SPOP: variants seen among roughly 807,000 people sequenced by gnomAD.
The protein encoded by SPOP is speckle-type POZ protein.
Under a neutral mutation model 45.6 loss-of-function variants are expected in SPOP, and 11 were observed. That is an observed-to-expected ratio of 0.24 (90% CI 0.15 to 0.40). The LOEUF (loss-of-function observed/expected upper bound fraction) is 0.40, where lower values mean the gene tolerates loss of function less well. Among genes scored for constraint, SPOP ranks in the 10% least tolerant of loss-of-function variants. SPOP has a pLI of 1.00. For synonymous variants in SPOP, 166 were observed against 166.3 expected, an observed-to-expected ratio of 1.00 and a Z score of 0.01; for missense variants, 152 against 465.6, an observed-to-expected ratio of 0.33 and a Z score of 6.20.
At chr17:49,637,155 C>T (rs1441495532) in intron 1 of SPOP, among the ~76,000 whole-genome samples, 1 of 151,912 alleles carries the variant, frequency 6.6e-6, no homozygotes, top group Non-Finnish European at 1.5e-5. Context: ...GAGGGACACG[C>T]AGGGCAGGGC....
intron 8 of SPOP, among the ~76,000 whole-genome samples, chr17:49,605,546 T>C (rs2071823046): frequency 6.7e-6 from 1 of 149,184 alleles, no homozygotes; most frequent in African/African-American, 2.5e-5. Context: ...AACAATTAGC[T>C]GGGTGTGGTG....
chr17:49,612,214 A>G (rs945830350), intron 5 of SPOP, among the ~76,000 whole-genome samples: 3 of 152,218 alleles, frequency 2.0e-5, no homozygotes, highest in Non-Finnish European at 4.4e-5. Flanking sequence ...AAAAGACGTT[A>G]TTTTAGTTAG....
intron 1 of SPOP, among the ~76,000 whole-genome samples, chr17:49,648,470 C>T (rs2072792667): frequency 1.3e-5 from 2 of 152,214 alleles, no homozygotes; most frequent in African/African-American, 2.4e-5. Flanking sequence ...CTGGAAGACG[C>T]TTCTTCCAGA....
rs551446310 is a variant in SPOP, at chr17:49,599,516, T to G, written c.*862A>C. On this transcript the variant is annotated 3_prime_UTR_variant, in exon 10 of 10. Transcript: ENST00000504102. ...GTTTTTGTTTTGTGTGTTTTTTTTTTTGTTTGTTTTTTAGAAAAAGGGGTG... is the reference window on the plus strand; with the variant it reads ...GTTTTTGTTTTGTGTGTTTTTTTTTGTGTTTGTTTTTTAGAAAAAGGGGTG... The G allele has an allele frequency of 2.9e-3, 605 of 207,394 alleles. 5 individuals carry two copies. The highest frequency in any genetic ancestry group is 0.011 in the African/African-American group (485 of 42,324). The allele number at this position is 207,394 out of a possible 1,614,324, so 12.8% of individuals were successfully genotyped here.
intron 1 of SPOP, among the ~76,000 whole-genome samples, chr17:49,637,320 A>T (rs1597951352): frequency 6.6e-6 from 1 of 152,104 alleles, no homozygotes; most frequent in East Asian, 1.9e-4. Flanking sequence ...AAAATATTAT[A>T]CTTAGAAATG....
chr17:49,676,325 G>A (rs888938880), intron 1 of SPOP, among the ~76,000 whole-genome samples: 3 of 152,132 alleles, frequency 2.0e-5, no homozygotes, highest in Non-Finnish European at 2.9e-5. Flanking sequence ...GAAGATATAT[G>A]CACCCCAAAT....
At chr17:49,657,440 C>T (rs1200855817) in intron 1 of SPOP, among the ~76,000 whole-genome samples, 1 of 152,042 alleles carries the variant, frequency 6.6e-6, no homozygotes, top group African/African-American at 2.4e-5. Flanking sequence ...GCACTGTCAC[C>T]CAGGCTGGAG....
At chr17:49,623,264 T>A (rs1251382023) in intron 1 of SPOP, among the ~76,000 whole-genome samples, 1 of 152,086 alleles carries the variant, frequency 6.6e-6, no homozygotes, top group Non-Finnish European at 1.5e-5. Context: ...CTCCTCGGCC[T>A]CCCAAAGTGC....
intron 1 of SPOP, among the ~76,000 whole-genome samples, chr17:49,671,857 T>C (rs919424750): frequency 1.3e-5 from 2 of 151,928 alleles, no homozygotes; most frequent in African/African-American, 4.8e-5. Context: ...AACACAAAAA[T>C]TGGCTGGGCA....
At chr17:49,605,074 C>T (rs2071812332) in intron 8 of SPOP, among the ~76,000 whole-genome samples, 1 of 152,136 alleles carries the variant, frequency 6.6e-6, no homozygotes, top group African/African-American at 2.4e-5. Flanking sequence ...GATATTTCAC[C>T]TTATTTTGGG....
At chr17:49,608,502 G>GA (rs1186366150) in intron 6 of SPOP, among the ~76,000 whole-genome samples, 13 of 152,168 alleles carry the variant, frequency 8.5e-5, no homozygotes, top group Non-Finnish European at 1.3e-4. Context: ...ATATTATAAT[G>GA]ATTTGTGTCC....
intron 1 of SPOP, among the ~76,000 whole-genome samples, chr17:49,646,985 TCAGTA>T (rs1438324374): frequency 3.9e-5 from 6 of 152,182 alleles, no homozygotes; most frequent in African/African-American, 1.4e-4. Flanking sequence ...AAGTGGCAAC[TCAGTA>T]TGAAAGTATG....
At chr17:49,642,090 A>ACT (rs2072665508) in intron 1 of SPOP, among the ~76,000 whole-genome samples, 1 of 151,880 alleles carries the variant, frequency 6.6e-6, no homozygotes, top group Non-Finnish European at 1.5e-5. Flanking sequence ...AGAGACAAGA[A>ACT]CTCTCATGTA....
chr17:49,648,626 G>C (rs2072794926), intron 1 of SPOP, among the ~76,000 whole-genome samples: 1 of 152,202 alleles, frequency 6.6e-6, no homozygotes, highest in East Asian at 1.9e-4. Context: ...GGTCCTGCCG[G>C]GCTGAGACTC....
chr17:49,624,338 C>CACAG (rs1347555088), intron 1 of SPOP, among the ~76,000 whole-genome samples: 1 of 104,294 alleles, frequency 9.6e-6, no homozygotes, highest in Non-Finnish European at 2.4e-5. Context: ...CGCGCACACA[C>CACAG]ACACACACAC....
At chr17:49,647,267 G>A (rs111712489) in intron 1 of SPOP, among the ~76,000 whole-genome samples, 33 of 129,156 alleles carry the variant, frequency 2.6e-4, no homozygotes, top group Middle Eastern at 9.5e-3. Flanking sequence ...CCGAGATCAC[G>A]CCACTGCACT....
chr17:49,622,537 A>G (rs1363948881), intron 2 of SPOP, 196 bp downstream of exon 2: 1 of 594,056 alleles, frequency 1.7e-6, no homozygotes, highest in Non-Finnish European at 3.0e-6. Context: ...CTCCACTGAA[A>G]AACACTAGCC....
At chr17:49,636,452 A>G (rs549694599) in intron 1 of SPOP, 1 of 152,376 alleles carries the variant, frequency 6.6e-6, no homozygotes, top group Non-Finnish European at 1.5e-5. Context: ...ATCACCAGAG[A>G]AGATCAGAAT....
chr17:49,642,684 G>T (rs190490198), intron 1 of SPOP, among the ~76,000 whole-genome samples: 40 of 152,288 alleles, frequency 2.6e-4, no homozygotes, highest in Non-Finnish European at 1.5e-5. Flanking sequence ...CAGTGTTAGT[G>T]TTCCATATAA....
Sources: allele counts gnomAD v4.1 joint callset (sites outside exome capture counted in the v4.1 genomes callset), GRCh38; gene constraint gnomAD v4.1.1; transcripts MANE v1.5; gene names NCBI Gene and HGNC (gene_info 2026-07-23, HGNC 2026-07-21).